The following DMD variants were observed in gnomAD, a reference collection of about 807,000 sequenced individuals.
DMD encodes the protein mutant dystrophin.
Under a neutral mutation model 330.1 loss-of-function variants are expected in DMD, and 63 were observed. The ratio of observed to expected loss-of-function variants is 0.19; its 90% confidence interval spans 0.16 to 0.24. The LOEUF (loss-of-function observed/expected upper bound fraction) is 0.24, where lower values mean the gene tolerates loss of function less well. DMD is among the 10% of genes least tolerant of loss of function. The probability of loss-of-function intolerance (pLI) is 1.00; values close to 1 mark genes in which losing one functional copy is unlikely to be tolerated. For synonymous variants in DMD, 1,223 were observed against 959.8 expected (o/e 1.27, Z -5.07); for missense variants, 3,344 against 2,684.1 (o/e 1.25, Z -5.43).
At chrX:32,263,218 A>G (rs2097330703) in intron 43 of DMD, among the ~76,000 whole-genome samples, 1 of 112,326 alleles carries the variant, frequency 8.9e-6, no homozygotes. Flanking sequence ...CATTTCTTCA[A>G]CTTACTGCTA....
At chrX:32,976,759 T>C (rs2092563378) in intron 2 of DMD, among the ~76,000 whole-genome samples, 1 of 111,850 alleles carries the variant, frequency 8.9e-6, no homozygotes, top group Non-Finnish European at 1.9e-5. Flanking sequence ...TATTTTCATA[T>C]TGAATAATTA....
At chrX:32,117,511 C>T (rs2096616079) in intron 44 of DMD, among the ~76,000 whole-genome samples, 1 of 111,976 alleles carries the variant, frequency 8.9e-6, no homozygotes, top group Non-Finnish European at 1.9e-5. Context: ...ACCATCTGAT[C>T]AAGTCATAAT....
intron 47 of DMD, among the ~76,000 whole-genome samples, chrX:31,889,647 TCACACACACACA>T (rs773894352): frequency 5.6e-5 from 4 of 71,593 alleles, no homozygotes; most frequent in East Asian, 8.9e-4. Context: ...TCTCTCTCTC[TCACACACACACA>T]CACACACACA....
intron 1 of DMD, among the ~76,000 whole-genome samples, chrX:33,120,413 G>A (rs1186354020): frequency 1.8e-5 from 2 of 111,344 alleles, no homozygotes; most frequent in African/African-American, 6.5e-5. Context: ...GTAGTTAAAG[G>A]TCGCTTCTGG....
At chrX:31,230,958 T>C (rs1273209410) in intron 63 of DMD, among the ~76,000 whole-genome samples, 2 of 111,472 alleles carry the variant, frequency 1.8e-5, no homozygotes, top group Non-Finnish European at 3.8e-5. Context: ...GAGAAAGCAG[T>C]TTCTGTAACA....
At chrX:31,477,929 T>C (rs1350261511) in intron 59 of DMD, among the ~76,000 whole-genome samples, 177 bp downstream of exon 59, 1 of 111,581 alleles carries the variant, frequency 9.0e-6, no homozygotes, top group Non-Finnish European at 1.9e-5. Flanking sequence ...GACAGACAAA[T>C]AATTAGATCA....
intron 44 of DMD, among the ~76,000 whole-genome samples, chrX:32,084,437 T>G (rs1032044592): frequency 1.8e-5 from 2 of 111,639 alleles, no homozygotes; most frequent in African/African-American, 3.3e-5. Context: ...AGGGACATCT[T>G]TTATTAAACC....
chrX:32,468,593 C>T lies in DMD; in HGVS notation c.3067G>A (p.Glu1023Lys). The part of the protein sequence containing the change: ...EISRKYQSEF[E>K]EIEGRWKKLS... ...TTCTTCCAGCGTCCCTCAATTTCTT[C>T]AAATTCTGATTGATATTTCCGGCTA... The change falls in exon 23 of 79, where the codon GAA (glutamate) becomes AAA (lysine). Residue 1023 changes from glutamate to lysine, a missense_variant. Glu to Lys is a moderately conservative substitution (Grantham distance 56). Transcript: ENST00000357033. The T allele has an allele frequency of 8.3e-7, 1 of 1,211,216 alleles. No individual in the cohort carries two copies. The highest frequency in any genetic ancestry group is 1.8e-5 in the South Asian group (1 of 56,956).
At chrX:32,082,409 T>TATCTATC (rs1294579112) in intron 44 of DMD, among the ~76,000 whole-genome samples, 1 of 107,834 alleles carries the variant, frequency 9.3e-6, no homozygotes, top group Non-Finnish European at 1.9e-5. Context: ...TCTATCTATC[T>TATCTATC]ATCTATCTAT....
intron 64 of DMD, among the ~76,000 whole-genome samples, chrX:31,216,891 T>G (rs1475708710): frequency 8.9e-6 from 1 of 111,953 alleles, no homozygotes. Flanking sequence ...CTCTATAATG[T>G]GTGCTTTAGT....
chrX:33,202,389 A>T, intron 1 of DMD, among the ~76,000 whole-genome samples: 1 of 111,504 alleles, frequency 9.0e-6, no homozygotes, highest in Non-Finnish European at 1.9e-5. Context: ...CTACATATTC[A>T]TCTGGTAAAT....
chrX:33,335,470 C>T (rs1465666659), intron 1 of DMD, among the ~76,000 whole-genome samples: 1 of 110,705 alleles, frequency 9.0e-6, no homozygotes, highest in Non-Finnish European at 1.9e-5. Flanking sequence ...TAAGCTTTAA[C>T]TCTCTCATGT....
chrX:32,538,287 C>T (rs752603636), intron 17 of DMD, among the ~76,000 whole-genome samples: 1 of 111,769 alleles, frequency 8.9e-6, no homozygotes. Flanking sequence ...TAACTGATGA[C>T]ATTCCACCAT....
intron 1 of DMD, among the ~76,000 whole-genome samples, chrX:33,034,031 G>T (rs1465470598): frequency 9.0e-6 from 1 of 110,902 alleles, no homozygotes; most frequent in East Asian, 2.8e-4. Context: ...TGTTTGAATG[G>T]TTATCTATAT....
At chrX:32,493,323 G>T (rs942596394) in intron 19 of DMD, among the ~76,000 whole-genome samples, 3 of 111,728 alleles carry the variant, frequency 2.7e-5, no homozygotes, top group East Asian at 5.6e-4. Context: ...GGCGGTGAAG[G>T]AGACAAACTT....
chrX:32,609,383 C>A (rs967762006), intron 12 of DMD, among the ~76,000 whole-genome samples: 1 of 111,007 alleles, frequency 9.0e-6, no homozygotes, highest in Non-Finnish European at 1.9e-5. Context: ...ACTACTACTG[C>A]AAATGCCTGA....
chrX:32,038,444 A>C (rs1207146214), intron 44 of DMD, among the ~76,000 whole-genome samples: 7 of 111,873 alleles, frequency 6.3e-5, no homozygotes, highest in Non-Finnish European at 1.1e-4. Flanking sequence ...AGAACAAAGG[A>C]AACAATAGCA....
intron 1 of DMD, among the ~76,000 whole-genome samples, chrX:33,270,010 C>T (rs2053125331): frequency 9.1e-6 from 1 of 109,654 alleles, no homozygotes; most frequent in African/African-American, 3.3e-5. Flanking sequence ...CCAAGTGGAT[C>T]GTAGCTATAA....
intron 61 of DMD, among the ~76,000 whole-genome samples, chrX:31,344,044 G>GGGA (rs200138403): frequency 0.052 from 5,343 of 103,239 alleles, 166 homozygotes; most frequent in Middle Eastern, 0.11. Context: ...GTGCGGGGGG[G>GGGA]GGTGGATTAT....
Sources: gnomAD v4.1 joint callset for allele counts (sites outside exome capture counted in the v4.1 genomes callset) on GRCh38, gnomAD v4.1.1 for gene constraint, MANE v1.5 for transcripts, NCBI Gene and HGNC (gene_info 2026-07-23, HGNC 2026-07-21) for gene names.